PREX2: variants seen among roughly 807,000 people sequenced by gnomAD.
The protein encoded by PREX2 is phosphatidylinositol 3,4,5-trisphosphate-dependent Rac exchanger 2 protein.
In PREX2, 107 loss-of-function variants were observed where a neutral mutation model predicts 203.2. That is an observed-to-expected ratio of 0.53 (90% CI 0.45 to 0.62). The LOEUF (loss-of-function observed/expected upper bound fraction) is 0.62, where lower values mean the gene tolerates loss of function less well. Among genes scored for constraint, PREX2 ranks in the 20% least tolerant of loss-of-function variants. PREX2 has a pLI of 0.00. For missense variants in PREX2, 1,777 were observed against 1,955.9 expected (o/e 0.91, Z 1.72); for synonymous variants, 672 against 663.6 (o/e 1.01, Z -0.19).
intron 18 of PREX2, among the ~76,000 whole-genome samples, chr8:68,087,338 G>A (rs1809723416): frequency 6.6e-6 from 1 of 152,070 alleles, no homozygotes; most frequent in African/African-American, 2.4e-5. Flanking sequence ...CTTGAGCAAT[G>A]TAGGAAACCC....
intron 33 of PREX2, among the ~76,000 whole-genome samples, chr8:68,138,874 G>A (rs1479398839): frequency 2.6e-5 from 4 of 151,864 alleles, no homozygotes; most frequent in Non-Finnish European, 5.9e-5. Flanking sequence ...TATGAGTATC[G>A]TGTGTATTAG....
intron 35 of PREX2, among the ~76,000 whole-genome samples, chr8:68,188,131 A>G (rs1812226214): frequency 6.6e-6 from 1 of 152,158 alleles, no homozygotes; most frequent in African/African-American, 2.4e-5. Context: ...ATGGCCCTGA[A>G]CTACTGAACC....
At chr8:68,107,297 G>A (rs1330444697) in intron 23 of PREX2, among the ~76,000 whole-genome samples, 3 of 152,030 alleles carry the variant, frequency 2.0e-5, no homozygotes, top group Non-Finnish European at 2.9e-5. Flanking sequence ...TGTGTGAGAC[G>A]AACTAAGTGA....
chr8:68,083,169 C>T (rs1030751), intron 17 of PREX2, 71 bp from the exon 18 acceptor site: 620,074 of 1,187,940 alleles, frequency 0.52, 162,246 homozygotes, highest in South Asian at 0.55. Context: ...TTTCATATTC[C>T]AATTTTGTGA....
intron 34 of PREX2, among the ~76,000 whole-genome samples, chr8:68,149,342 A>G (rs1811387802): frequency 1.3e-5 from 2 of 152,350 alleles, no homozygotes; most frequent in Admixed American, 1.3e-4. Flanking sequence ...GCTGAAGGCA[A>G]GAACTGCGGA....
chr8:68,224,526 T>C lies in PREX2; in HGVS notation c.4708-33T>C, dbSNP rs368943808. ...GTATGTTAAATTATTACTAACACAC[T>C]GTAGGGATAAAAGTGATTTTCCTGA... On this transcript the variant is annotated intron_variant, in intron 38 of 39. Coordinates refer to ENST00000288368, the MANE Select transcript of PREX2 (RefSeq NM_024870.4). 4 of 1,552,062 alleles carry C rather than the reference T, an allele frequency of 2.6e-6. No homozygotes were observed. The African/African-American group carries it at 5.4e-5, about 21-fold the overall frequency.
chr8:68,064,825 G>C (rs1808969818), intron 11 of PREX2, among the ~76,000 whole-genome samples: 1 of 152,150 alleles, frequency 6.6e-6, no homozygotes. Flanking sequence ...TCCGTGTTCA[G>C]TGACTTTAGG....
At chr8:68,178,523 A>T (rs184814658) in intron 35 of PREX2, among the ~76,000 whole-genome samples, 9 of 151,820 alleles carry the variant, frequency 5.9e-5, no homozygotes, top group African/African-American at 1.9e-4. Context: ...GACCTTTGGC[A>T]GTTGGATAGA....
intron 1 of PREX2, among the ~76,000 whole-genome samples, chr8:67,966,567 G>T (rs1164820183): frequency 6.6e-6 from 1 of 151,972 alleles, no homozygotes; most frequent in African/African-American, 2.4e-5. Flanking sequence ...TTCAAATCTA[G>T]CCTGGGCAAC....
At chr8:67,981,285 G>C (rs1806262599) in intron 1 of PREX2, among the ~76,000 whole-genome samples, 1 of 152,132 alleles carries the variant, frequency 6.6e-6, no homozygotes, top group African/African-American at 2.4e-5. Flanking sequence ...CTCTGTCAAG[G>C]GATTGCAATT....
chr8:68,179,132 C>T (rs575850207), intron 35 of PREX2, among the ~76,000 whole-genome samples: 1 of 152,182 alleles, frequency 6.6e-6, no homozygotes, highest in South Asian at 2.1e-4. Context: ...AGTCTCTCCT[C>T]TGGTGAATAA....
chr8:68,126,843 A>G (rs565721746), intron 30 of PREX2, among the ~76,000 whole-genome samples: 1 of 152,120 alleles, frequency 6.6e-6, no homozygotes, highest in African/African-American at 2.4e-5. Flanking sequence ...GAAGAAGAGT[A>G]TATATATACA....
At chr8:68,069,176 A>G (rs1347537649) in intron 12 of PREX2, 40 bp downstream of exon 12, 7 of 916,364 alleles carry the variant, frequency 7.6e-6, no homozygotes, top group Non-Finnish European at 1.2e-5. Flanking sequence ...AGTAGAATGC[A>G]TGTTGTCATT....
intron 39 of PREX2, 151 bp from the exon 40 acceptor site, chr8:68,231,182 C>T (rs16934364): frequency 0.079 from 40,484 of 510,656 alleles, 4,512 homozygotes; most frequent in East Asian, 0.43. Context: ...TGGAGTTTGC[C>T]AATTCATATG....
At position 68,192,524 on chromosome 8, in the gene PREX2, C is replaced by G; in HGVS notation, c.4603C>G (p.Arg1535Gly). The G allele has an allele frequency of 6.2e-7, 1 of 1,604,328 alleles. No homozygotes were observed. Among genetic ancestry groups the G allele is most frequent in the Non-Finnish European group, 8.5e-7 (1 of 1,175,106 alleles). The change falls in exon 37 of 40, where the codon CGG becomes GGG. Residue 1535 changes from arginine (R) to glycine (G), a missense_variant and splice_region_variant. Physicochemically the swap from Arg to Gly is moderately radical, Grantham distance 125 (BLOSUM62 -2). Coordinates refer to ENST00000288368, the MANE Select transcript of PREX2 (RefSeq NM_024870.4). Reference protein sequence around the residue: ...HIIMCSSGVHRCTLSVTLEQA... With the variant: ...HIIMCSSGVHGCTLSVTLEQA... ...CATCATGTGCAGCAGCGGTGTGCAT[C>G]GGTATGTGACCCTCCCGCCTTGCTT...
chr8:68,073,768 C>T (rs1416809405), intron 14 of PREX2, among the ~76,000 whole-genome samples: 1 of 152,158 alleles, frequency 6.6e-6, no homozygotes, highest in East Asian at 1.9e-4. Flanking sequence ...AGAAATTATA[C>T]AGTTCTAGAA....
chr8:68,207,803 TTCTC>T (rs1363781693), intron 37 of PREX2, among the ~76,000 whole-genome samples: 1 of 152,054 alleles, frequency 6.6e-6, no homozygotes, highest in Non-Finnish European at 1.5e-5. Context: ...ACTCAGGAAA[TTCTC>T]TCTCTTGCCC....
intron 13 of PREX2, among the ~76,000 whole-genome samples, chr8:68,070,205 C>T (rs1292395136): frequency 2.0e-5 from 3 of 151,658 alleles, no homozygotes; most frequent in Admixed American, 6.6e-5. Context: ...TTTGGAAATA[C>T]TGTTTACATA....
intron 1 of PREX2, among the ~76,000 whole-genome samples, chr8:67,984,138 A>G (rs551383888): frequency 1.8e-4 from 28 of 152,292 alleles, no homozygotes; most frequent in African/African-American, 6.3e-4. Context: ...AAGCTTTTCC[A>G]CATCACCCTT....
Sources: gnomAD v4.1 joint callset for allele counts (sites outside exome capture counted in the v4.1 genomes callset) on GRCh38, gnomAD v4.1.1 for gene constraint, MANE v1.5 for transcripts, NCBI Gene and HGNC (gene_info 2026-07-23, HGNC 2026-07-21) for gene names.